SLC25A17: variants seen among roughly 807,000 people sequenced by gnomAD.
The protein encoded by SLC25A17 is peroxisomal membrane protein PMP34.
A neutral mutation model predicts 38.5 loss-of-function variants in SLC25A17; 26 were observed. That is an observed-to-expected ratio of 0.68 (90% CI 0.50 to 0.94). The LOEUF is 0.94. SLC25A17 is among the 40% of genes least tolerant of loss of function. The probability of loss-of-function intolerance (pLI) is 0.00; values close to 1 mark genes in which losing one functional copy is unlikely to be tolerated. For missense variants in SLC25A17, 333 were observed against 372.7 expected (o/e 0.89, Z 0.88); for synonymous variants, 139 against 136.2 (o/e 1.02, Z -0.14).
chr22:40,777,220 A>G lies in SLC25A17; in HGVS notation c.597+8T>C, dbSNP rs368390943. The G allele has an allele frequency of 6.2e-7, 1 of 1,613,244 alleles. No individual in the cohort carries two copies. Among genetic ancestry groups the G allele is most frequent in the Non-Finnish European group, 8.5e-7 (1 of 1,179,260 alleles). ...AATTATTTTACTGCTTTCAAAATCA[A>G]GGATTACCTTCATCCGTTTCTTTAA... On this transcript the variant is annotated splice_region_variant and intron_variant, in intron 6 of 8. Coordinates refer to ENST00000435456, the MANE Select transcript of SLC25A17 (RefSeq NM_006358.4).
In SLC25A17 at chr22:40,770,708, G is replaced by A; in HGVS notation, c.*126C>T. 2.0e-6 allele frequency: 2 copies of A among 991,652 alleles called. No homozygotes were observed. Among genetic ancestry groups the A allele is most frequent in the East Asian group, 5.3e-5 (2 of 37,872 alleles). 61.4% of individuals were successfully genotyped at this position (991,652 alleles called of 1,614,324 possible). A position where few individuals can be genotyped will look rare whatever the true frequency, so the allele number is the denominator to read the frequency against. On this transcript the variant is annotated 3_prime_UTR_variant, in exon 9 of 9. Transcript: ENST00000435456. ...CCATACTCCCTGTGCACCCTTGGAT[G>A]CTTTTCAAGCCAATGAGGGTAACAT... is the stretch of plus-strand genomic sequence containing the variant.
In SLC25A17 at chr22:40,819,233, A is replaced by T; in HGVS notation, c.16T>A (p.Ser6Thr). The T allele has an allele frequency of 6.2e-7, 1 of 1,613,758 alleles. No individual in the cohort carries two copies. Among genetic ancestry groups the T allele is most frequent in the Non-Finnish European group, 8.5e-7 (1 of 1,180,000 alleles). The part of the protein sequence containing the change: MASVL[S>T]YESLVHAVAG... Reference sequence around the variant, plus strand: ...ACGGCGTGGACCAGGCTTTCGTAGGACAGCACGGAAGCCATTGGTGCGGCT... The same window carrying T: ...ACGGCGTGGACCAGGCTTTCGTAGGTCAGCACGGAAGCCATTGGTGCGGCT... The change falls in exon 1 of 9, where the codon TCC becomes ACC. Residue 6 changes from serine to threonine, a missense_variant. Physicochemically the swap from Ser to Thr is moderately conservative, Grantham distance 58. Transcript: ENST00000435456.
chr22:40,802,934 G>A (rs1403271765), intron 1 of SLC25A17, among the ~76,000 whole-genome samples: 2 of 152,160 alleles, frequency 1.3e-5, no homozygotes, highest in Non-Finnish European at 2.9e-5. Context: ...GCAGTGTAGT[G>A]TTTCAATGCA....
intron 2 of SLC25A17, among the ~76,000 whole-genome samples, chr22:40,796,376 C>T (rs765510640): frequency 1.3e-5 from 2 of 151,624 alleles, no homozygotes; most frequent in Admixed American, 6.6e-5. Context: ...TGGTGGCTCA[C>T]GCCTGTAATC....
intron 4 of SLC25A17, among the ~76,000 whole-genome samples, chr22:40,786,256 AG>A (rs975784930): frequency 5.9e-4 from 90 of 152,038 alleles, no homozygotes; most frequent in African/African-American, 2.1e-3. Flanking sequence ...GGTTGCAGTG[AG>A]CCAAGATCAT....
intron 4 of SLC25A17, among the ~76,000 whole-genome samples, chr22:40,787,065 C>CA (rs1180548726): frequency 6.6e-6 from 1 of 152,110 alleles, no homozygotes; most frequent in Non-Finnish European, 1.5e-5. Context: ...AACACTAAGA[C>CA]AGAGGTAGAT....
rs1393552977 is a variant in SLC25A17 at position 40,797,300 on chromosome 22, G to A, written c.115+1723C>T. 3 of 1,299,526 alleles carry A rather than the reference G, an allele frequency of 2.3e-6. No individual in the cohort carries two copies. The South Asian group carries it at 3.7e-5, about 16-fold the overall frequency. The allele number at this position is 1,299,526 out of a possible 1,614,324, so 80.5% of individuals were successfully genotyped here. The stretch of plus-strand genomic sequence containing the variant: ...TAATCTTACTCATCTCTTCATGCAA[G>A]TTCTGGCATAGGTTTACAATTTCAA... On this transcript the variant is annotated intron_variant, in intron 2 of 8. Coordinates refer to ENST00000435456, the MANE Select transcript of SLC25A17 (RefSeq NM_006358.4).
At chr22:40,802,567 C>T (rs547666841) in intron 1 of SLC25A17, among the ~76,000 whole-genome samples, 21 of 152,246 alleles carry the variant, frequency 1.4e-4, no homozygotes, top group African/African-American at 4.6e-4. Context: ...ATCACTTGAA[C>T]CCGGGAGGCG....
chr22:40,797,227 A>C (rs2057438796), intron 2 of SLC25A17: 1 of 830,336 alleles, frequency 1.2e-6, no homozygotes, highest in Non-Finnish European at 1.8e-6. Flanking sequence ...AAAATTACCC[A>C]AAAATAGTAG....
chr22:40,810,492 C>A (rs2145704996), intron 1 of SLC25A17, among the ~76,000 whole-genome samples: 1 of 152,126 alleles, frequency 6.6e-6, no homozygotes, highest in Non-Finnish European at 1.5e-5. Context: ...GGATTACAGG[C>A]ATGCGCCACT....
chr22:40,817,034 TAATG>T (rs2057648271), intron 1 of SLC25A17, among the ~76,000 whole-genome samples: 1 of 152,228 alleles, frequency 6.6e-6, no homozygotes, highest in Non-Finnish European at 1.5e-5. Context: ...TAAAGGTGTT[TAATG>T]AACATTTATT....
At chr22:40,807,755 T>A (rs551279784) in intron 1 of SLC25A17, among the ~76,000 whole-genome samples, 16 of 151,836 alleles carry the variant, frequency 1.1e-4, no homozygotes, top group Admixed American at 5.9e-4. Context: ...TCTCAAAAAA[T>A]AATAATAATA....
Position 40,776,281 on chromosome 22 carries a change from C to T in SLC25A17, c.693+759G>A, listed in dbSNP as rs112074591. The T allele has an allele frequency of 3.0e-3, 1,424 of 468,722 alleles. 12 individuals are homozygous for T. Among genetic ancestry groups the T allele is most frequent in the East Asian group, 0.019 (265 of 14,254 alleles). 29.0% of individuals were successfully genotyped at this position (468,722 alleles called of 1,614,324 possible). ...CCCAGGTCCTCCCACAGTGTGGATG[C>T]TTAGTAAATATTTGAATGGATAAAT... On this transcript the variant is annotated intron_variant, in intron 7 of 8. Transcript: ENST00000435456.
intron 4 of SLC25A17, among the ~76,000 whole-genome samples, chr22:40,786,960 G>A (rs1341808179): frequency 6.6e-6 from 1 of 152,212 alleles, no homozygotes; most frequent in African/African-American, 2.4e-5. Flanking sequence ...AGACACTGGG[G>A]ATGTGGAAAT....
chr22:40,777,449 G>C, intron 5 of SLC25A17, 76 bp from the exon 6 acceptor site: 3 of 1,476,236 alleles, frequency 2.0e-6, no homozygotes, highest in Non-Finnish European at 2.8e-6. Flanking sequence ...GAATTCTGTT[G>C]AAATGTACCC....
intron 3 of SLC25A17, among the ~76,000 whole-genome samples, chr22:40,794,003 G>T (rs74925917): frequency 0.029 from 4,471 of 152,224 alleles, 215 homozygotes; most frequent in African/African-American, 0.1. Context: ...AAGGAGAGAA[G>T]GGAGGTGGGA....
chr22:40,814,795 G>A (rs1319720534), intron 1 of SLC25A17, among the ~76,000 whole-genome samples: 19 of 136,496 alleles, frequency 1.4e-4, no homozygotes, highest in African/African-American at 5.3e-4. Context: ...ATATATTGTT[G>A]TTGTTGTTGT....
intron 1 of SLC25A17, among the ~76,000 whole-genome samples, chr22:40,806,893 C>A (rs985682030): frequency 3.3e-5 from 5 of 152,144 alleles, no homozygotes; most frequent in Non-Finnish European, 4.4e-5. Flanking sequence ...GGCTGGAGTA[C>A]TGTCTGTACC....
chr22:40,773,855 T>A (rs1022091757), intron 8 of SLC25A17, 82 bp downstream of exon 8: 13 of 957,650 alleles, frequency 1.4e-5, no homozygotes, highest in Non-Finnish European at 1.7e-5. Flanking sequence ...GGCAGTAGTG[T>A]GAGAGAGGGA....
Sources: gnomAD v4.1 joint callset for allele counts (sites outside exome capture counted in the v4.1 genomes callset) on GRCh38, gnomAD v4.1.1 for gene constraint, MANE v1.5 for transcripts, NCBI Gene and HGNC (gene_info 2026-07-23, HGNC 2026-07-21) for gene names.